GRK5: variants seen among roughly 807,000 people sequenced by gnomAD.
GRK5 encodes G protein-coupled receptor kinase 5, also known as g protein-coupled receptor kinase GRK5.
In GRK5, 40 loss-of-function variants were observed where a neutral mutation model predicts 78.4. The observed-to-expected ratio is 0.51, with a 90% CI of 0.40 to 0.66. GRK5 has a LOEUF of 0.66. GRK5 is among the 30% of genes least tolerant of loss of function. GRK5 has a pLI of 0.00. For synonymous variants in GRK5, 289 were observed against 296.8 expected, an observed-to-expected ratio of 0.97 and a Z score of 0.27; for missense variants, 598 against 759.9, an observed-to-expected ratio of 0.79 and a Z score of 2.50.
chr10:119,260,577 G>A (rs1849365991), intron 1 of GRK5, among the ~76,000 whole-genome samples: 1 of 151,802 alleles, frequency 6.6e-6, no homozygotes, highest in Non-Finnish European at 1.5e-5. Flanking sequence ...TGTGTCCCTG[G>A]GTACTTGAGA....
intron 1 of GRK5, among the ~76,000 whole-genome samples, chr10:119,274,753 C>G (rs946499140): frequency 3.3e-5 from 5 of 152,150 alleles, no homozygotes; most frequent in Non-Finnish European, 1.5e-5. Context: ...GAGGGGCTTT[C>G]ACATCCTTTA....
At chr10:119,330,376 G>A (rs377035619) in intron 2 of GRK5, 1 of 136,066 alleles carries the variant, frequency 7.3e-6, no homozygotes, top group East Asian at 2.4e-4. Context: ...GGGGAGGGAG[G>A]GAGGGAGAGA....
chr10:119,434,855 T>A (rs1852889283), intron 8 of GRK5, among the ~76,000 whole-genome samples: 1 of 152,164 alleles, frequency 6.6e-6, no homozygotes, highest in Non-Finnish European at 1.5e-5. Context: ...TAGCAGAGGG[T>A]CTCCATGAGG....
At position 119,378,665 on chromosome 10, in the gene GRK5, GCGGGCTGCGC is replaced by G. The variant is rs934572341; in HGVS notation, c.149-2148_149-2139del. 2.2e-5 allele frequency among the ~76,000 whole-genome samples: 3 copies of G among 137,576 alleles called. No individual in the cohort carries two copies. In the East Asian group the frequency reaches 1.0e-3, roughly 48 times the overall value. 90.3% of individuals were successfully genotyped at this position (137,576 alleles called of 152,430 possible). A position where few individuals can be genotyped will look rare whatever the true frequency, so the allele number is the denominator to read the frequency against. On this transcript the variant is annotated intron_variant, in intron 2 of 15. Transcript: ENST00000392870. This position sits in a 1 kb window ranked among gnomAD's most constrained non-coding sequence, Gnocchi z 4.5. ...TCTCTCCGCTCATCTCCGCTTGTGT[GCGGGCTGCGC>G]CTCCGTGGGCTCTCGCTGCGTGGGG...
In GRK5 at chr10:119,429,898, C is replaced by A. The variant is rs139723116; in HGVS notation, c.534-477C>A. Among the ~76,000 whole-genome samples, 990 of 152,260 alleles carry A rather than the reference C, an allele frequency of 6.5e-3. 14 individuals carry two copies. Among genetic ancestry groups the A allele is most frequent in the African/African-American group, 0.023 (940 of 41,532 alleles). On this transcript the variant is annotated intron_variant, in intron 6 of 15. Coordinates refer to ENST00000392870, the MANE Select transcript of GRK5 (RefSeq NM_005308.3). ...CCATGCCCAGGACAGGAAGCACTGT[C>A]ATCCTGCTGGGCAGACTGAGATGCA...
At position 119,276,883 on chromosome 10, in the gene GRK5, G is replaced by C. The variant is rs142074647; in HGVS notation, c.53-49633G>C. Among the ~76,000 whole-genome samples the C allele has an allele frequency of 3.0e-3, 460 of 152,334 alleles. 2 individuals are homozygous for C. Among genetic ancestry groups the C allele is most frequent in the African/African-American group, 0.01 (436 of 41,566 alleles). ...TTAACTTCTCCTCTAGGGCTCTTGT[G>C]TGAAAGAGGAATAGCTTCCTGCAGT... On this transcript the variant is annotated intron_variant, in intron 1 of 15. Coordinates refer to ENST00000392870, the MANE Select transcript of GRK5 (RefSeq NM_005308.3).
At chr10:119,403,359 G>T (rs547806151) in intron 4 of GRK5, among the ~76,000 whole-genome samples, 1 of 152,210 alleles carries the variant, frequency 6.6e-6, no homozygotes, top group South Asian at 2.1e-4. Context: ...TAGAGACGGG[G>T]TTTCACCGTG....
intron 1 of GRK5, among the ~76,000 whole-genome samples, chr10:119,222,879 G>T (rs1406029578): frequency 6.6e-6 from 1 of 152,192 alleles, no homozygotes; most frequent in Non-Finnish European, 1.5e-5. Flanking sequence ...AAAGGGGCCC[G>T]CATGGGTGGC....
chr10:119,427,775 TCAC>T (rs1235823649), intron 6 of GRK5, among the ~76,000 whole-genome samples: 1 of 151,076 alleles, frequency 6.6e-6, no homozygotes, highest in Non-Finnish European at 1.5e-5. Context: ...ATCAGCGGCA[TCAC>T]CACCATCATC....
At chr10:119,424,842 G>C (rs550041933) in intron 5 of GRK5, 151 bp from the exon 6 acceptor site, 4 of 643,244 alleles carry the variant, frequency 6.2e-6, no homozygotes. Context: ...ACAACCCTCA[G>C]TAGAATGGCA....
intron 1 of GRK5, chr10:119,213,062 A>G (rs993424532): frequency 2.6e-5 from 4 of 152,274 alleles, no homozygotes; most frequent in African/African-American, 9.6e-5. Context: ...AGAACAGGTA[A>G]AAACTCCATG....
intron 1 of GRK5, among the ~76,000 whole-genome samples, chr10:119,305,353 GCTCA>G: frequency 6.6e-6 from 1 of 152,316 alleles, no homozygotes. Flanking sequence ...TGACACCTCT[GCTCA>G]CTCACTTATT....
intron 2 of GRK5, among the ~76,000 whole-genome samples, chr10:119,347,024 T>C (rs1851106699): frequency 6.6e-6 from 1 of 152,232 alleles, no homozygotes; most frequent in Non-Finnish European, 1.5e-5. Flanking sequence ...TTACGATTTC[T>C]GGGAACCATT....
At chr10:119,276,605 G>A (rs2133682796) in intron 1 of GRK5, among the ~76,000 whole-genome samples, 1 of 152,156 alleles carries the variant, frequency 6.6e-6, no homozygotes, top group Non-Finnish European at 1.5e-5. Flanking sequence ...TAGTCTTTTG[G>A]GTATATACCC....
intron 2 of GRK5, among the ~76,000 whole-genome samples, chr10:119,350,044 G>A (rs145061282): frequency 1.3e-5 from 2 of 152,338 alleles, no homozygotes; most frequent in South Asian, 2.1e-4. Context: ...CCTGAGCCAC[G>A]ACAGCTTAAC....
Position 119,448,121 on chromosome 10 carries a change from AGCT to A in GRK5, c.1269_1271del (p.Leu424del). On this transcript the variant is annotated splice_acceptor_variant and coding_sequence_variant, in exon 13 of 16. Coordinates refer to ENST00000392870, the MANE Select transcript of GRK5 (RefSeq NM_005308.3). LOFTEE classifies it high-confidence loss of function. ...GTGGCTTCATGGGGCTCTCTGTTTC[AGCT>A]GCTCACGAAAGATGCGAAGCAGAGG... 6.5e-7 allele frequency: 1 copy of A among 1,544,692 alleles called. No individual in the cohort carries two copies. Among genetic ancestry groups the A allele is most frequent in the Non-Finnish European group, 8.7e-7 (1 of 1,152,144 alleles).
intron 2 of GRK5, among the ~76,000 whole-genome samples, chr10:119,337,682 C>T (rs1289304087): frequency 1.3e-5 from 2 of 151,990 alleles, no homozygotes; most frequent in East Asian, 1.9e-4. Context: ...TGCAATGGCA[C>T]GATCTCAGCT....
intron 1 of GRK5, among the ~76,000 whole-genome samples, chr10:119,301,026 C>T (rs1460940933): frequency 1.3e-5 from 2 of 152,038 alleles, no homozygotes; most frequent in African/African-American, 4.8e-5. Context: ...ATCGCTTGAA[C>T]CCAGGAGGCA....
At chr10:119,269,366 C>T (rs531665664) in intron 1 of GRK5, among the ~76,000 whole-genome samples, 1 of 152,222 alleles carries the variant, frequency 6.6e-6, no homozygotes, top group African/African-American at 2.4e-5. Context: ...GAAGGGGTTT[C>T]CTGAGGACGT....
Sources: allele counts gnomAD v4.1 joint callset (sites outside exome capture counted in the v4.1 genomes callset), GRCh38; gene constraint gnomAD v4.1.1; non-coding constraint Gnocchi (gnomAD v3.1); transcripts MANE v1.5; gene names NCBI Gene and HGNC (gene_info 2026-07-23, HGNC 2026-07-21).